The following WWOX variants were observed in gnomAD, a reference collection of about 807,000 sequenced individuals.
WWOX encodes WW domain-containing oxidoreductase.
In WWOX, 69 loss-of-function variants were observed where a neutral mutation model predicts 46.2. That is an observed-to-expected ratio of 1.49 (90% CI 1.23 to 1.82). The LOEUF is 1.82. WWOX is among the 40% of genes most tolerant of loss of function. WWOX has a pLI of 0.00. For synonymous variants in WWOX, 359 were observed against 202.6 expected, an observed-to-expected ratio of 1.77 and a Z score of -6.56; for missense variants, 919 against 542.6, an observed-to-expected ratio of 1.69 and a Z score of -6.89.
At chr16:79,011,464 T>C (rs1567482656) in intron 8 of WWOX, among the ~76,000 whole-genome samples, 1 of 85,130 alleles carries the variant, frequency 1.2e-5, no homozygotes, top group Admixed American at 1.2e-4. Flanking sequence ...TTTTATTTTA[T>C]TTATTTATTT....
chr16:78,714,924 T>C (rs370241690), intron 8 of WWOX, among the ~76,000 whole-genome samples: 122 of 152,266 alleles, frequency 8.0e-4, no homozygotes, highest in African/African-American at 2.8e-3. Context: ...ATGTTTGAAA[T>C]GATAGATGAC....
chr16:78,377,083 C>T (rs944430326), intron 5 of WWOX, among the ~76,000 whole-genome samples: 3 of 152,180 alleles, frequency 2.0e-5, no homozygotes, highest in African/African-American at 4.8e-5. Flanking sequence ...CTGACTTCCC[C>T]GAAGTGGGAA....
In WWOX at chr16:78,389,009, T is replaced by C. The variant is rs538790107; in HGVS notation, c.605+2061T>C. Among the ~76,000 whole-genome samples the C allele has an allele frequency of 2.7e-5, 4 of 150,266 alleles. No homozygotes were observed. The South Asian group carries it at 8.5e-4, about 32-fold the overall frequency. On this transcript the variant is annotated intron_variant, in intron 6 of 8. Coordinates refer to ENST00000566780, the MANE Select transcript of WWOX (RefSeq NM_016373.4). ...AAATTGACTCAGGCTCTTGCTGGAGTATGTCAGTGTCCCAAGTCACTGAGG... is the reference window on the plus strand; with the variant it reads ...AAATTGACTCAGGCTCTTGCTGGAGCATGTCAGTGTCCCAAGTCACTGAGG...
chr16:78,594,718 T>C (rs2045443963), intron 8 of WWOX, among the ~76,000 whole-genome samples: 1 of 152,120 alleles, frequency 6.6e-6, no homozygotes, highest in Non-Finnish European at 1.5e-5. Context: ...TGTCCCTTTT[T>C]ATAACTCATA....
chr16:78,758,614 T>C lies in WWOX; in HGVS notation c.1056+325862T>C, dbSNP rs2049716461. On this transcript the variant is annotated intron_variant, in intron 8 of 8. Transcript: ENST00000566780. ...CTATCAACCGTGGATGGTTTCTTTT[T>C]AGCTTGTCCTTCCCGTTCTACAGCA... Among the ~76,000 whole-genome samples, 2 of 152,196 alleles carry C rather than the reference T, an allele frequency of 1.3e-5. 1 individual carries two copies. The highest frequency in any genetic ancestry group is 4.1e-4 in the South Asian group (2 of 4,830).
intron 8 of WWOX, among the ~76,000 whole-genome samples, chr16:79,047,004 G>T (rs2048077762): frequency 6.6e-6 from 1 of 152,052 alleles, no homozygotes; most frequent in Non-Finnish European, 1.5e-5. Context: ...AAACAATAAA[G>T]CAACTGACCT....
chr16:78,783,017 T>C (rs932058666), intron 8 of WWOX, among the ~76,000 whole-genome samples: 10 of 152,240 alleles, frequency 6.6e-5, no homozygotes, highest in Non-Finnish European at 1.5e-5. Context: ...AATCCTAGTG[T>C]GATCTTTCTG....
At chr16:78,928,233 C>T (rs1480614021) in intron 8 of WWOX, among the ~76,000 whole-genome samples, 57 of 143,404 alleles carry the variant, frequency 4.0e-4, no homozygotes, top group African/African-American at 1.5e-3. Flanking sequence ...GACGGAGTCT[C>T]GCTCTGTCGC....
rs564298420 is a variant in WWOX, at chr16:78,938,028, G to A, written c.1057-273580G>A. Among the ~76,000 whole-genome samples, 40 of 152,226 alleles carry A rather than the reference G, an allele frequency of 2.6e-4. 1 individual carries two copies. The South Asian group carries it at 4.4e-3, about 17-fold the overall frequency. Reference sequence around the variant, plus strand: ...TGCCTAAGGTATTGCTGTCCTCACCGTCCTATGGGGAGATAGGTCACTTTC... The same window carrying A: ...TGCCTAAGGTATTGCTGTCCTCACCATCCTATGGGGAGATAGGTCACTTTC... On this transcript the variant is annotated intron_variant, in intron 8 of 8. Coordinates refer to ENST00000566780, the MANE Select transcript of WWOX (RefSeq NM_016373.4).
In WWOX at chr16:78,758,806, A is replaced by C. The variant is rs74033557; in HGVS notation, c.1056+326054A>C. On this transcript the variant is annotated intron_variant, in intron 8 of 8. Coordinates refer to ENST00000566780, the MANE Select transcript of WWOX (RefSeq NM_016373.4). ...TGTATACAAGACATTAGCATTTGCT[A>C]TAAGGAGGATGTATCTCAGTTGCCA... Among the ~76,000 whole-genome samples, 1,503 of 152,198 alleles carry C rather than the reference A, an allele frequency of 9.9e-3. 23 individuals are homozygous for C. Among genetic ancestry groups the C allele is most frequent in the African/African-American group, 0.034 (1,414 of 41,520 alleles).
At chr16:78,522,364 C>T (rs529936098) in intron 8 of WWOX, among the ~76,000 whole-genome samples, 4 of 152,128 alleles carry the variant, frequency 2.6e-5, no homozygotes, top group Non-Finnish European at 5.9e-5. Flanking sequence ...TTGAGTGTTT[C>T]TGAGGCCAAG....
chr16:78,533,853 C>T (rs1027279345), intron 8 of WWOX, among the ~76,000 whole-genome samples: 75 of 152,252 alleles, frequency 4.9e-4, no homozygotes, highest in African/African-American at 1.6e-3. Flanking sequence ...TTGTTTGTTT[C>T]CATCTCTATC....
chr16:79,027,941 T>G (rs1398649293), intron 8 of WWOX, among the ~76,000 whole-genome samples: 2 of 151,668 alleles, frequency 1.3e-5, no homozygotes, highest in Non-Finnish European at 2.9e-5. Context: ...TCCTTTGTTT[T>G]TCTTTTTTGT....
intron 8 of WWOX, among the ~76,000 whole-genome samples, chr16:79,008,927 C>G (rs970732156): frequency 6.6e-6 from 1 of 152,238 alleles, no homozygotes; most frequent in South Asian, 2.1e-4. Context: ...AATGTCTCCA[C>G]CCTTCTAAAT....
intron 8 of WWOX, among the ~76,000 whole-genome samples, chr16:78,831,520 G>A (rs562017312): frequency 1.4e-4 from 21 of 152,224 alleles, no homozygotes; most frequent in Admixed American, 5.2e-4. Flanking sequence ...GGGAGACCCC[G>A]GTGCCCATGC....
At chr16:78,606,302 C>A (rs2045754783) in intron 8 of WWOX, among the ~76,000 whole-genome samples, 1 of 152,060 alleles carries the variant, frequency 6.6e-6, no homozygotes. Context: ...TAAAATTTTA[C>A]ATCATTTTAA....
At chr16:78,509,952 T>G (rs1437845235) in intron 8 of WWOX, among the ~76,000 whole-genome samples, 1 of 146,922 alleles carries the variant, frequency 6.8e-6, no homozygotes, top group Non-Finnish European at 1.5e-5. Context: ...GAAAGAAAAA[T>G]TAGCTGGCAT....
intron 6 of WWOX, among the ~76,000 whole-genome samples, chr16:78,397,217 A>G (rs1278553399): frequency 2.0e-5 from 3 of 152,226 alleles, no homozygotes; most frequent in Non-Finnish European, 4.4e-5. Flanking sequence ...AAGCAGGTCA[A>G]TAAGACAACT....
At chr16:78,696,667 T>C (rs886350251) in intron 8 of WWOX, among the ~76,000 whole-genome samples, 18 of 151,836 alleles carry the variant, frequency 1.2e-4, no homozygotes, top group African/African-American at 4.4e-4. Context: ...TTTAATTTTT[T>C]TAAATTTCCA....
Sources: allele counts gnomAD v4.1 joint callset (sites outside exome capture counted in the v4.1 genomes callset), GRCh38; gene constraint gnomAD v4.1.1; transcripts MANE v1.5; gene names NCBI Gene and HGNC (gene_info 2026-07-23, HGNC 2026-07-21).